The following GPBP1L1 variants were observed in gnomAD, a reference collection of about 807,000 sequenced individuals.
GPBP1L1 encodes the protein GC-rich promoter binding protein 1 like 1.
In GPBP1L1, 23 loss-of-function variants were observed where a neutral mutation model predicts 52.5. The ratio of observed to expected loss-of-function variants is 0.44; its 90% CI spans 0.32 to 0.62. GPBP1L1 has a LOEUF of 0.62. Ranked by LOEUF, GPBP1L1 falls within the 20% of genes least tolerant of loss-of-function variation. The pLI is 0.06. For synonymous variants in GPBP1L1, 243 were observed against 203.1 expected (o/e 1.20, Z -1.67); for missense variants, 596 against 579.3 (o/e 1.03, Z -0.30).
chr1:45,647,449 CCT>C (rs1326006148), intron 6 of GPBP1L1, among the ~76,000 whole-genome samples: 1 of 152,122 alleles, frequency 6.6e-6, no homozygotes, highest in Non-Finnish European at 1.5e-5. Context: ...ACGATAGAAC[CCT>C]GTGCTGGTTA....
At position 45,642,418 on chromosome 1, in the gene GPBP1L1, T is replaced by G. The variant is rs1053604566; in HGVS notation, c.550+9A>C. ...AAGTTGTGCCTTTAAAATGGCAAAA[T>G]CTACCTACCCCATACTCCAGAAGGT... On this transcript the variant is annotated intron_variant, in intron 7 of 12. Coordinates refer to ENST00000355105, the MANE Select transcript of GPBP1L1 (RefSeq NM_021639.5). The G allele has an allele frequency of 1.4e-5, 23 of 1,603,980 alleles. No individual in the cohort carries two copies. In the African/African-American group the frequency reaches 2.9e-4, roughly 21 times the overall value.
intron 4 of GPBP1L1, among the ~76,000 whole-genome samples, chr1:45,656,669 C>CTT (rs531524977): frequency 7.1e-5 from 10 of 139,932 alleles, no homozygotes; most frequent in South Asian, 2.3e-4. Context: ...ATACATAAGC[C>CTT]TTTTTTTTTT....
At chr1:45,664,868 A>T (rs1644991107) in intron 2 of GPBP1L1, among the ~76,000 whole-genome samples, 1 of 152,012 alleles carries the variant, frequency 6.6e-6, no homozygotes, top group African/African-American at 2.4e-5. Flanking sequence ...TAGCAGAGAT[A>T]GAGTTTCGCC....
intron 6 of GPBP1L1, chr1:45,651,288 A>G (rs1372507755): frequency 5.1e-6 from 2 of 394,594 alleles, no homozygotes; most frequent in Admixed American, 6.5e-5. Context: ...ATAATGCAGT[A>G]AGGGACCCCC....
At chr1:45,687,024 G>GA (rs1645298620), upstream of GPBP1L1, 1 of 152,318 alleles carries the variant, frequency 6.6e-6, no homozygotes, top group Non-Finnish European at 1.5e-5. Context: ...GGTTTCGGAG[G>GA]AACGTGTGTT....
chr1:45,654,317 A>G (rs2148469509), intron 6 of GPBP1L1: 1 of 400,198 alleles, frequency 2.5e-6, no homozygotes, highest in Middle Eastern at 6.7e-4. Flanking sequence ...ATATTTTTCT[A>G]AATTCCAAAG....
intron 2 of GPBP1L1, among the ~76,000 whole-genome samples, chr1:45,663,311 G>A (rs1204005070): frequency 6.6e-6 from 1 of 152,018 alleles, no homozygotes; most frequent in African/African-American, 2.4e-5. Flanking sequence ...GGACACAAAG[G>A]AAAATGCCTC....
rs893655441 is a variant in GPBP1L1, at chr1:45,634,228, T to A, written c.753A>T (p.Ala251=). 6.2e-7 allele frequency: 1 copy of A among 1,612,030 alleles called. No homozygotes were observed. Among genetic ancestry groups the A allele is most frequent in the African/African-American group, 1.3e-5 (1 of 74,992 alleles). Residue 251 remains alanine, a synonymous_variant, in exon 9 of 13, where the codon GCA becomes GCT. Transcript: ENST00000355105. ...TGTGCTCCATCCTGTTAGCTTTCCA[T>A]GCATTAGGCTACACAGGGTGAAAGA... is the stretch of plus-strand genomic sequence containing the variant. ...KPVPPPSKPN[A]WKANRMEHKS... is the part of the protein sequence containing the mutation.
chr1:45,651,038 T>C (rs996726151), intron 6 of GPBP1L1: 14 of 476,878 alleles, frequency 2.9e-5, no homozygotes, highest in Admixed American at 1.3e-4. Context: ...TTAATCCAAT[T>C]GGTGGCAAGT....
intron 4 of GPBP1L1, among the ~76,000 whole-genome samples, chr1:45,656,712 C>G (rs529338601): frequency 6.6e-6 from 1 of 150,906 alleles, no homozygotes; most frequent in South Asian, 2.1e-4. Context: ...GTCACCCAGG[C>G]TGGAGTACAG....
rs556526754 is a variant in GPBP1L1, at chr1:45,654,171, T to A, written c.477+372A>T. The A allele has an allele frequency of 9.4e-5, 16 of 169,946 alleles. No homozygotes were observed. In the East Asian group the frequency reaches 2.8e-3, roughly 29 times the overall value. 10.5% of individuals were successfully genotyped at this position (169,946 alleles called of 1,614,324 possible). On this transcript the variant is annotated intron_variant, in intron 6 of 12. Transcript: ENST00000355105. ...TCCCAATTACATGTTCATGTCACAGTAATTTTATGTGATAGAGAACAAAAT... is the reference window on the plus strand; with the variant it reads ...TCCCAATTACATGTTCATGTCACAGAAATTTTATGTGATAGAGAACAAAAT...
In GPBP1L1 at chr1:45,660,579, A is replaced by G. The variant is rs1055837000; in HGVS notation, c.-451T>C. The G allele has an allele frequency of 5.1e-6, 5 of 984,510 alleles. No individual in the cohort carries two copies. In the African/African-American group the frequency reaches 7.0e-5, roughly 14 times the overall value. The allele number at this position is 984,510 out of a possible 1,614,324, so 61.0% of individuals were successfully genotyped here. The stretch of plus-strand genomic sequence containing the variant: ...TTTGCACCGAGTGCAAATACTGTTC[A>G]TAACAAGGTCATAGCTAGAAAGACA... On this transcript the variant is annotated 5_prime_UTR_variant, in exon 3 of 13. An upstream start codon of the reference 5' UTR is lost. Transcript: ENST00000355105.
Position 45,628,207 on chromosome 1 carries a change from A to G in GPBP1L1, c.*49T>C. ...GAACGATTTCTTTTGTATACTCCCT[A>G]AACACACAGAGTTTACTGGGTCAGA... is the stretch of plus-strand genomic sequence containing the variant. On this transcript the variant is annotated 3_prime_UTR_variant, in exon 13 of 13. Transcript: ENST00000355105. The G allele has an allele frequency of 6.4e-7, 1 of 1,569,414 alleles. No individual in the cohort carries two copies. Among genetic ancestry groups the G allele is most frequent in the Non-Finnish European group, 8.8e-7 (1 of 1,142,428 alleles).
chr1:45,651,999 T>A (rs1383064716), intron 6 of GPBP1L1, among the ~76,000 whole-genome samples: 1 of 152,232 alleles, frequency 6.6e-6, no homozygotes, highest in East Asian at 1.9e-4. Flanking sequence ...AATATAATAT[T>A]TGCTATAGAG....
chr1:45,654,514 T>C (rs1644858757), intron 6 of GPBP1L1, 29 bp downstream of exon 6: 1 of 1,569,798 alleles, frequency 6.4e-7, no homozygotes, highest in African/African-American at 1.4e-5. Flanking sequence ...TGTTGGCTTC[T>C]AACCACACAT....
intron 6 of GPBP1L1, chr1:45,645,767 T>TAAAA (rs1644736201): frequency 6.5e-6 from 2 of 309,600 alleles, no homozygotes; most frequent in Non-Finnish European, 1.2e-5. Flanking sequence ...CGAAGTTTTT[T>TAAAA]GTTTTTTTTT....
At chr1:45,655,047 G>T in intron 5 of GPBP1L1, 143 bp downstream of exon 5, 1 of 1,082,918 alleles carries the variant, frequency 9.2e-7, no homozygotes. Context: ...AGCCAATGTA[G>T]TTGCGTAATG....
At chr1:45,638,272 C>G (rs986689872) in intron 8 of GPBP1L1, among the ~76,000 whole-genome samples, 12 of 152,198 alleles carry the variant, frequency 7.9e-5, no homozygotes, top group Non-Finnish European at 2.9e-5. Flanking sequence ...ATCTTTTCCA[C>G]TGCCTATATT....
intron 2 of GPBP1L1, among the ~76,000 whole-genome samples, chr1:45,669,858 T>C (rs1645053654): frequency 6.6e-6 from 1 of 151,990 alleles, no homozygotes; most frequent in African/African-American, 2.4e-5. Context: ...CTTATATCCA[T>C]AAAAATGAAA....
Sources: gnomAD v4.1 joint callset for allele counts (sites outside exome capture counted in the v4.1 genomes callset) on GRCh38, gnomAD v4.1.1 for gene constraint, MANE v1.5 for transcripts, NCBI Gene and HGNC (gene_info 2026-07-23, HGNC 2026-07-21) for gene names.